The following ZNF608 variants were observed in gnomAD, a reference collection of about 807,000 sequenced individuals.
The protein encoded by ZNF608 is renal carcinoma antigen NY-REN-36.
A neutral mutation model predicts 109.0 loss-of-function variants in ZNF608; 12 were observed. That is an observed-to-expected ratio of 0.11 (90% CI 0.07 to 0.18). The LOEUF (loss-of-function observed/expected upper bound fraction) is 0.18, where lower values mean the gene tolerates loss of function less well. Among genes scored for constraint, ZNF608 ranks in the 10% least tolerant of loss-of-function variants. The pLI is 1.00. For synonymous variants in ZNF608, 732 were observed against 717.4 expected (o/e 1.02, Z -0.33); for missense variants, 1,707 against 1,879.3 (o/e 0.91, Z 1.70).
At chr5:124,696,040 G>A (rs896947281) in intron 3 of ZNF608, among the ~76,000 whole-genome samples, 1 of 151,650 alleles carries the variant, frequency 6.6e-6, no homozygotes, top group South Asian at 2.1e-4. Context: ...AAAAATTATC[G>A]AGGTGTGGTG....
chr5:124,672,660 A>G (rs998405586), intron 3 of ZNF608, among the ~76,000 whole-genome samples: 8 of 152,212 alleles, frequency 5.3e-5, no homozygotes, highest in Admixed American at 3.9e-4. Context: ...CACTCATCTC[A>G]TAGTACCAAT....
intron 2 of ZNF608, among the ~76,000 whole-genome samples, chr5:124,738,113 C>T (rs1749230039): frequency 6.6e-6 from 1 of 152,192 alleles, no homozygotes; most frequent in Non-Finnish European, 1.5e-5. Flanking sequence ...ACACCTATGA[C>T]ATACCAGTTA....
At position 124,648,610 on chromosome 5, in the gene ZNF608, C is replaced by T. The variant is rs1212430222; in HGVS notation, c.1774G>A (p.Glu592Lys). The T allele has an allele frequency of 1.2e-6, 2 of 1,614,238 alleles. No homozygotes were observed. Among genetic ancestry groups the T allele is most frequent in the South Asian group, 1.1e-5 (1 of 91,086 alleles). The change falls in exon 5 of 10, where the codon GAG becomes AAG. Residue 592 changes from glutamate to lysine, a missense_variant. Glu to Lys is a moderately conservative substitution (Grantham distance 56). Around this residue, in one of 7 missense-constraint regions of ZNF608, gnomAD observed 22 missense variants for 52.2 expected, o/e 0.42. Coordinates refer to ENST00000513986, the MANE Select transcript of ZNF608 (RefSeq NM_020747.3). ...ENKLEFEPDS[E>K]DKISDCEEGL... is the part of the protein sequence containing the mutation. ...TCCTCACAGTCCGAGATCTTGTCCT[C>T]ACTGTCAGGCTCGAACTCCAGCTTG...
intron 9 of ZNF608, chr5:124,638,872 T>C (rs1275183620): frequency 1.9e-6 from 2 of 1,050,160 alleles, no homozygotes; most frequent in African/African-American, 1.6e-5. Flanking sequence ...ATTTTAGAAA[T>C]GCCGTAAGGA....
In ZNF608 at chr5:124,659,314, C is replaced by T. The variant is rs182106311; in HGVS notation, c.1163-9617G>A. On this transcript the variant is annotated intron_variant, in intron 3 of 9. Coordinates refer to ENST00000513986, the MANE Select transcript of ZNF608 (RefSeq NM_020747.3). ...CATGCCACTCACCAAAAGACGAGTA[C>T]TCTAGGACTAAAAGGGCGTAGAAGG... Among the ~76,000 whole-genome samples the T allele has an allele frequency of 8.5e-5, 13 of 152,238 alleles. No individual in the cohort carries two copies. In the East Asian group the frequency reaches 2.3e-3, roughly 27 times the overall value.
chr5:124,643,364 G>A (rs990975893), intron 7 of ZNF608, 147 bp downstream of exon 7: 6 of 692,504 alleles, frequency 8.7e-6, no homozygotes, highest in Admixed American at 3.2e-5. Context: ...ACTTTTGAAC[G>A]CTCCATTCTT....
intron 3 of ZNF608, among the ~76,000 whole-genome samples, chr5:124,659,252 CAAA>C (rs1053980899): frequency 1.3e-5 from 2 of 151,812 alleles, no homozygotes; most frequent in African/African-American, 4.8e-5. Context: ...GCAAGCCAGA[CAAA>C]AATAAATCAT....
chr5:124,722,463 T>C (rs1434953991), intron 2 of ZNF608, among the ~76,000 whole-genome samples: 3 of 152,042 alleles, frequency 2.0e-5, no homozygotes, highest in Non-Finnish European at 4.4e-5. Flanking sequence ...AAATCATTAG[T>C]CCTTTTGCCT....
intron 2 of ZNF608, among the ~76,000 whole-genome samples, chr5:124,717,186 C>T (rs779526973): frequency 1.2e-4 from 19 of 152,032 alleles, no homozygotes; most frequent in Middle Eastern, 6.8e-3. Context: ...TTTTTGCTGG[C>T]CAGGAGCAAT....
intron 2 of ZNF608, among the ~76,000 whole-genome samples, chr5:124,718,514 G>C (rs1580689126): frequency 6.6e-6 from 1 of 152,314 alleles, no homozygotes; most frequent in East Asian, 1.9e-4. Context: ...TCAGACAACA[G>C]CCATGTGAAC....
Position 124,701,102 on chromosome 5 carries a change from T to C in ZNF608, c.1074A>G (p.Gly358=), listed in dbSNP as rs1374366616. ...RSVGVNTCEV[G]VVTEPECLGP... ...CAAGACACTCTGGCTCTGTCACTAC[T>C]CCAACTTCACATGTATTGACACCCA... The change falls in exon 3 of 10, where the codon GGA becomes GGG. Residue 358 remains glycine (G), a synonymous_variant. Transcript: ENST00000513986. The C allele has an allele frequency of 6.2e-7, 1 of 1,613,974 alleles. No homozygotes were observed. The highest frequency in any genetic ancestry group is 8.5e-7 in the Non-Finnish European group (1 of 1,180,024).
intron 2 of ZNF608, among the ~76,000 whole-genome samples, chr5:124,732,794 C>T (rs1159550710): frequency 1.3e-5 from 2 of 152,122 alleles, no homozygotes; most frequent in African/African-American, 4.8e-5. Context: ...CTTTCTTCTA[C>T]TTTTTACTCC....
chr5:124,746,951 G>A (rs1749660911), upstream of ZNF608, among the ~76,000 whole-genome samples: 1 of 137,238 alleles, frequency 7.3e-6, no homozygotes, highest in Non-Finnish European at 1.6e-5. Flanking sequence ...GCGGGGGGCG[G>A]GGGGCTTGGG....
At chr5:124,717,912 T>C (rs1327514418) in intron 2 of ZNF608, among the ~76,000 whole-genome samples, 1 of 152,184 alleles carries the variant, frequency 6.6e-6, no homozygotes, top group Non-Finnish European at 1.5e-5. Flanking sequence ...AAATGAATCC[T>C]ATGGCTGGCA....
intron 2 of ZNF608, among the ~76,000 whole-genome samples, chr5:124,721,174 T>C (rs1753886903): frequency 6.6e-6 from 1 of 152,212 alleles, no homozygotes; most frequent in Non-Finnish European, 1.5e-5. Flanking sequence ...ATTATACAGA[T>C]GACAATACTG....
Position 124,744,228 on chromosome 5 carries a change from G to A in ZNF608, c.762C>T (p.Gly254=). 1 of 1,613,820 alleles carries A rather than the reference G, an allele frequency of 6.2e-7. No homozygotes were observed. The highest frequency in any genetic ancestry group is 8.5e-7 in the Non-Finnish European group (1 of 1,179,964). The part of the protein sequence containing the change: ...GGGASPFHCG[G]TGSGSVAAAG... ...CAGCGGCGACGCTGCCACTCCCAGTGCCCCCGCAGTGGAAGGGGCTCGCGC... is the reference window on the plus strand; with the variant it reads ...CAGCGGCGACGCTGCCACTCCCAGTACCCCCGCAGTGGAAGGGGCTCGCGC... The change falls in exon 2 of 10, where the codon GGC becomes GGT. Residue 254 remains glycine (G), a synonymous_variant. Transcript: ENST00000513986. The surrounding 1 kb of genome is among the most constrained non-coding windows in gnomAD (Gnocchi z 4.5).
intron 3 of ZNF608, among the ~76,000 whole-genome samples, chr5:124,665,527 C>G (rs530776772): frequency 2.6e-5 from 4 of 152,252 alleles, no homozygotes; most frequent in South Asian, 2.1e-4. Context: ...AGTGAAGGAG[C>G]CTGTCTCAGT....
At position 124,638,943 on chromosome 5, in the gene ZNF608, C is replaced by T. The variant is rs557449108; in HGVS notation, c.4532+190G>A. The T allele has an allele frequency of 7.0e-4, 562 of 801,312 alleles. 3 individuals are homozygous for T. The highest frequency in any genetic ancestry group is 9.5e-4 in the Non-Finnish European group (491 of 516,048). The allele number at this position is 801,312 out of a possible 1,614,324, so 49.6% of individuals were successfully genotyped here. On this transcript the variant is annotated intron_variant, in intron 9 of 9. Coordinates refer to ENST00000513986, the MANE Select transcript of ZNF608 (RefSeq NM_020747.3). ...TCAGTTAATTACTAATCTATGTAAC[C>T]CTTACAGAATGAGGTTCATGGAATT...
intron 2 of ZNF608, among the ~76,000 whole-genome samples, chr5:124,702,309 A>C (rs1753084391): frequency 6.6e-6 from 1 of 152,224 alleles, no homozygotes; most frequent in East Asian, 1.9e-4. Flanking sequence ...TGTGTTGCAC[A>C]TAGAAACGGC....
Sources: gnomAD v4.1 joint callset for allele counts (sites outside exome capture counted in the v4.1 genomes callset) on GRCh38, gnomAD v4.1.1 for gene constraint, gnomAD v4.1.1 regional missense constraint, Gnocchi (gnomAD v3.1) non-coding constraint, MANE v1.5 for transcripts, NCBI Gene and HGNC (gene_info 2026-07-23, HGNC 2026-07-21) for gene names.